TGM4: variants seen among roughly 807,000 people sequenced by gnomAD.
TGM4 encodes transglutaminase 4, also known as protein-glutamine gamma-glutamyltransferase 4.
TGM4 carries 61 observed loss-of-function variants against 76.3 expected under a neutral mutation model. The ratio of observed to expected loss-of-function variants is 0.80; its 90% CI spans 0.65 to 0.99. The LOEUF (loss-of-function observed/expected upper bound fraction) is 0.99, where lower values mean the gene tolerates loss of function less well. TGM4 is among the 50% of genes least tolerant of loss of function. The pLI, the probability that TGM4 is intolerant of heterozygous loss-of-function variation, is 0.00. For synonymous variants in TGM4, 337 were observed against 329.8 expected, an observed-to-expected ratio of 1.02 and a Z score of -0.24; for missense variants, 794 against 843.2, an observed-to-expected ratio of 0.94 and a Z score of 0.72.
intron 5 of TGM4, among the ~76,000 whole-genome samples, chr3:44,894,106 C>CG: frequency 1.6e-5 from 1 of 62,416 alleles, no homozygotes; most frequent in Non-Finnish European, 3.2e-5. Context: ...TCTTCCACCC[C>CG]CCACGGCTCT....
In TGM4 at chr3:44,887,792, AG is replaced by A; in HGVS notation, c.298del (p.Glu100ArgfsTer19). The A allele has an allele frequency of 6.2e-7, 1 of 1,614,162 alleles. No homozygotes were observed. Among genetic ancestry groups the A allele is most frequent in the Non-Finnish European group, 8.5e-7 (1 of 1,180,004 alleles). ...CAACCCTTCAAAATGAGTCTGGCAA[AG>A]AGGTGAGCACCCACTGGGCTGGCGG... ...QATLQNESGK[E>X]VTVAVTSSPN... On this transcript the variant is annotated frameshift_variant and splice_region_variant, in exon 3 of 14. Transcript: ENST00000296125. LOFTEE classifies it high-confidence loss of function.
chr3:44,911,051 C>T lies in TGM4; in HGVS notation c.1700C>T (p.Ala567Val), dbSNP rs201751613. 18 of 1,613,996 alleles carry T rather than the reference C, an allele frequency of 1.1e-5. No homozygotes were observed. The highest frequency in any genetic ancestry group is 1.6e-4 in the Middle Eastern group (1 of 6,082). The change falls in exon 12 of 14, where the codon GCG becomes GTG. Residue 567 changes from alanine (A) to valine (V), a missense_variant. Physicochemically the swap from Ala to Val is moderately conservative, Grantham distance 64 (BLOSUM62 0). Transcript: ENST00000296125. ...DEPVIRGFIIAEIVESKEIMA... is the reference protein window; with the variant it reads ...DEPVIRGFIIVEIVESKEIMA... The stretch of plus-strand genomic sequence containing the variant: ...CCAGTTATCAGAGGTTTCATCATTG[C>T]GGAAATTGTGGAGTCTAAGGAAATC...
chr3:44,890,566 A>C, intron 3 of TGM4, 37 bp from the exon 4 acceptor site: 1 of 1,609,298 alleles, frequency 6.2e-7, no homozygotes, highest in Non-Finnish European at 8.5e-7. Context: ...ATCTGGCCAG[A>C]GGGGGAGATG....
At chr3:44,909,846 A>C (rs1301179124) in intron 10 of TGM4, among the ~76,000 whole-genome samples, 1 of 152,230 alleles carries the variant, frequency 6.6e-6, no homozygotes, top group Non-Finnish European at 1.5e-5. Context: ...CAATGTTCTC[A>C]TTGCTTTTAT....
chr3:44,896,899 A>G, intron 6 of TGM4, 83 bp downstream of exon 6: 1 of 1,088,104 alleles, frequency 9.2e-7, no homozygotes, highest in Non-Finnish European at 1.4e-6. Context: ...TCTAAACTGT[A>G]AGCTCTTTGA....
At chr3:44,886,423 C>G (rs1440582423) in intron 2 of TGM4, among the ~76,000 whole-genome samples, 1 of 152,202 alleles carries the variant, frequency 6.6e-6, no homozygotes, top group Non-Finnish European at 1.5e-5. Flanking sequence ...TTTGCTCCTT[C>G]TCTGAGTGAA....
In TGM4 at chr3:44,893,844, G is replaced by A. The variant is rs535440074; in HGVS notation, c.549+149G>A. On this transcript the variant is annotated intron_variant, in intron 5 of 13. Transcript: ENST00000296125. ...TACATGTAAAACTTGGCCATAGAGG[G>A]GTGACCTGCCTAGGCTGCACAGATG... 6.7e-6 allele frequency: 5 copies of A among 744,214 alleles called. No homozygotes were observed. In the Admixed American group the frequency reaches 7.7e-5, roughly 11 times the overall value. The allele number at this position is 744,214 out of a possible 1,614,324, so 46.1% of individuals were successfully genotyped here. A position where few individuals can be genotyped will look rare whatever the true frequency, so the allele number is the denominator to read the frequency against.
At chr3:44,908,420 T>TC (rs1699956023) in intron 10 of TGM4, among the ~76,000 whole-genome samples, 1 of 152,062 alleles carries the variant, frequency 6.6e-6, no homozygotes, top group African/African-American at 2.4e-5. Flanking sequence ...TTTGTTTTTT[T>TC]TGCAGGGTGA....
chr3:44,907,309 C>CAAAA, intron 10 of TGM4, 109 bp downstream of exon 10: 1 of 789,616 alleles, frequency 1.3e-6, no homozygotes, highest in Non-Finnish European at 1.7e-6. Context: ...CCCATCCCTA[C>CAAAA]CAAAAAAAAA....
intron 1 of TGM4, among the ~76,000 whole-genome samples, chr3:44,879,941 G>A (rs1699509635): frequency 6.6e-6 from 1 of 152,090 alleles, no homozygotes; most frequent in Non-Finnish European, 1.5e-5. Context: ...GAGACTGCAT[G>A]TGCACATCAC....
intron 10 of TGM4, among the ~76,000 whole-genome samples, chr3:44,909,356 A>G (rs892717424): frequency 6.6e-6 from 1 of 152,028 alleles, no homozygotes; most frequent in African/African-American, 2.4e-5. Context: ...TTTTCCTTTT[A>G]AGCTTTTTGG....
intron 1 of TGM4, among the ~76,000 whole-genome samples, chr3:44,875,802 T>G (rs78190015): frequency 0.02 from 2,971 of 152,276 alleles, 50 homozygotes; most frequent in Middle Eastern, 0.065. Context: ...CATTGCGAAA[T>G]AAATCAGACT....
At chr3:44,890,080 C>T (rs1699668544) in intron 3 of TGM4, among the ~76,000 whole-genome samples, 1 of 152,156 alleles carries the variant, frequency 6.6e-6, no homozygotes. Context: ...ATAAAACCAT[C>T]AGAGCTCATG....
chr3:44,908,209 T>C (rs1003879710), intron 10 of TGM4, among the ~76,000 whole-genome samples: 1 of 152,162 alleles, frequency 6.6e-6, no homozygotes, highest in African/African-American at 2.4e-5. Flanking sequence ...AAACTGGAGC[T>C]CTCCACTTTG....
chr3:44,896,052 A>G (rs1431681993), intron 5 of TGM4, among the ~76,000 whole-genome samples: 2 of 152,182 alleles, frequency 1.3e-5, no homozygotes, highest in African/African-American at 4.8e-5. Context: ...ACATAGTTGT[A>G]ATGCTATTTG....
In TGM4 at chr3:44,877,276, G is replaced by A. The variant is rs150097730; in HGVS notation, c.19+2579G>A. Among the ~76,000 whole-genome samples, 18 of 152,104 alleles carry A rather than the reference G, an allele frequency of 1.2e-4. No individual in the cohort carries two copies. In the East Asian group the frequency reaches 2.5e-3, roughly 21 times the overall value. On this transcript the variant is annotated intron_variant, in intron 1 of 13. Coordinates refer to ENST00000296125, the MANE Select transcript of TGM4 (RefSeq NM_003241.4). ...AGCCTGGCCATCATGGTGAAACCCC[G>A]TCTCTACTAAAAAATACAAAAATTA...
intron 4 of TGM4, 105 bp downstream of exon 4, chr3:44,890,837 C>A (rs573262088): frequency 1.4e-6 from 2 of 1,423,018 alleles, no homozygotes; most frequent in Non-Finnish European, 1.9e-6. Context: ...AAGGTACTTG[C>A]AAACTAGTTT....
chr3:44,890,707 CCTTCT>C lies in TGM4; in HGVS notation c.410_414del (p.Leu137GlnfsTer5), dbSNP rs1699680565. 2 of 1,614,156 alleles carry C rather than the reference CCTTCT, an allele frequency of 1.2e-6. No homozygotes were observed. The highest frequency in any genetic ancestry group is 1.7e-6 in the Non-Finnish European group (2 of 1,180,010). On this transcript the variant is annotated frameshift_variant, in exon 4 of 14. Transcript: ENST00000296125. LOFTEE classifies it high-confidence loss of function. ...TTAAGTCTGAAGAAAACATCCTATA[CCTTCT>C]CTTCAACCCATGGTGTAAAGGTACT... is the stretch of plus-strand genomic sequence containing the variant.
chr3:44,884,970 G>A (rs1317483744), intron 1 of TGM4, among the ~76,000 whole-genome samples: 3 of 152,106 alleles, frequency 2.0e-5, no homozygotes, highest in Non-Finnish European at 1.5e-5. Context: ...GAGTTGGGGT[G>A]GGAAACTTGC....
Sources: gnomAD v4.1 joint callset for allele counts (sites outside exome capture counted in the v4.1 genomes callset) on GRCh38, gnomAD v4.1.1 for gene constraint, MANE v1.5 for transcripts, NCBI Gene and HGNC (gene_info 2026-07-23, HGNC 2026-07-21) for gene names.